The following SMOC2 variants were observed in gnomAD, a reference collection of about 807,000 sequenced individuals.
SMOC2 encodes the protein SPARC-related modular calcium-binding protein 2.
SMOC2 carries 39 observed loss-of-function variants against 61.4 expected under a neutral mutation model. The observed-to-expected ratio is 0.64, with a 90% CI of 0.49 to 0.83. The LOEUF is 0.83. Ranked by LOEUF, SMOC2 falls within the 40% of genes least tolerant of loss-of-function variation. The probability of loss-of-function intolerance (pLI) is 0.00; values close to 1 mark genes in which losing one functional copy is unlikely to be tolerated. For missense variants in SMOC2, 556 were observed against 592.9 expected, an observed-to-expected ratio of 0.94 and a Z score of 0.65; for synonymous variants, 247 against 239.9, an observed-to-expected ratio of 1.03 and a Z score of -0.27.
At chr6:168,462,718 G>T (rs1781742435) in intron 1 of SMOC2, among the ~76,000 whole-genome samples, 1 of 152,144 alleles carries the variant, frequency 6.6e-6, no homozygotes, top group Admixed American at 6.5e-5. Flanking sequence ...TGACTTCAGA[G>T]GACTCAGGGA....
intron 12 of SMOC2, chr6:168,664,902 C>A (rs1403206952): frequency 2.2e-6 from 1 of 446,920 alleles, no homozygotes. Flanking sequence ...TTTGTCTGCA[C>A]CTGTTTGATG....
chr6:168,520,628 G>C (rs1783308052), intron 2 of SMOC2, among the ~76,000 whole-genome samples: 1 of 152,214 alleles, frequency 6.6e-6, no homozygotes, highest in East Asian at 1.9e-4. Context: ...ATCGATAAAT[G>C]AGACACCACA....
chr6:168,560,403 G>T (rs34170156), intron 7 of SMOC2, among the ~76,000 whole-genome samples: 11,145 of 152,084 alleles, frequency 0.073, 526 homozygotes, highest in Non-Finnish European at 0.098. Flanking sequence ...AAGAGTCATG[G>T]TTACTGACAA....
chr6:168,478,643 G>A (rs1782141093), intron 1 of SMOC2, among the ~76,000 whole-genome samples: 1 of 152,176 alleles, frequency 6.6e-6, no homozygotes, highest in Admixed American at 6.5e-5. Flanking sequence ...AGCTTCCTTA[G>A]AGTCCCATGT....
In SMOC2 at chr6:168,526,417, A is replaced by G. The variant is rs1479338143; in HGVS notation, c.328A>G (p.Ile110Val). The change falls in exon 3 of 13, where the codon ATT becomes GTT. Residue 110 changes from isoleucine (I) to valine (V), a missense_variant. Transcript: ENST00000356284. ...QARKEFQQVF[I>V]PECNDDGTYS... is the part of the protein sequence containing the mutation. Reference sequence around the variant, plus strand: ...CCGGAAGGAGTTTCAGCAAGTGTTCATTCCTGAGTGCAATGACGACGGCAC... The same window carrying G: ...CCGGAAGGAGTTTCAGCAAGTGTTCGTTCCTGAGTGCAATGACGACGGCAC... 6.2e-7 allele frequency: 1 copy of G among 1,614,224 alleles called. No homozygotes were observed. Among genetic ancestry groups the G allele is most frequent in the Non-Finnish European group, 8.5e-7 (1 of 1,180,046 alleles).
At chr6:168,577,061 T>C (rs1279483889) in intron 7 of SMOC2, among the ~76,000 whole-genome samples, 2 of 152,342 alleles carry the variant, frequency 1.3e-5, no homozygotes, top group Non-Finnish European at 2.9e-5. Flanking sequence ...TTGAAAACTA[T>C]GCACGTTTCA....
chr6:168,583,328 G>A (rs1361876674), intron 7 of SMOC2, among the ~76,000 whole-genome samples: 1 of 151,510 alleles, frequency 6.6e-6, no homozygotes, highest in Non-Finnish European at 1.5e-5. Context: ...CGGCTCCAAT[G>A]GGCTCAGCCC....
At chr6:168,507,204 C>T (rs1460992230) in intron 1 of SMOC2, among the ~76,000 whole-genome samples, 2 of 152,148 alleles carry the variant, frequency 1.3e-5, no homozygotes, top group African/African-American at 4.8e-5. Context: ...CTCAGCATCT[C>T]CTCACTTAGG....
At chr6:168,509,268 G>C (rs1782951154) in intron 1 of SMOC2, among the ~76,000 whole-genome samples, 1 of 152,244 alleles carries the variant, frequency 6.6e-6, no homozygotes, top group South Asian at 2.1e-4. Context: ...CCTGCGGAGA[G>C]GATTCCTGTG....
At chr6:168,573,909 A>G (rs886509773) in intron 7 of SMOC2, among the ~76,000 whole-genome samples, 34 of 152,062 alleles carry the variant, frequency 2.2e-4, no homozygotes, top group African/African-American at 7.0e-4. Context: ...TCACACGTCC[A>G]CCCCTGAACC....
chr6:168,552,525 G>A (rs1279923207), intron 7 of SMOC2, among the ~76,000 whole-genome samples: 3 of 152,046 alleles, frequency 2.0e-5, no homozygotes, highest in African/African-American at 7.2e-5. Context: ...CCATGAATTT[G>A]TATGAAAATA....
chr6:168,664,669 G>A (rs913063438), intron 12 of SMOC2: 9 of 466,816 alleles, frequency 1.9e-5, no homozygotes, highest in South Asian at 1.1e-4. Context: ...AGGGGCTTTC[G>A]GCTCCTGCTG....
intron 2 of SMOC2, 74 bp from the exon 3 acceptor site, chr6:168,526,272 C>G: frequency 7.2e-7 from 1 of 1,384,564 alleles, no homozygotes; most frequent in South Asian, 1.2e-5. Context: ...GCCTTCACAT[C>G]TTTCAATGTT....
chr6:168,536,328 T>C (rs1404767064), intron 4 of SMOC2, among the ~76,000 whole-genome samples: 2 of 152,062 alleles, frequency 1.3e-5, no homozygotes, highest in Admixed American at 1.3e-4. Context: ...TCTTGCCTGC[T>C]TGGGGTCCTG....
intron 1 of SMOC2, among the ~76,000 whole-genome samples, chr6:168,446,724 C>T (rs1781340748): frequency 6.6e-6 from 1 of 152,078 alleles, no homozygotes. Context: ...TTTTGCAGTT[C>T]CAGGCCAGAC....
At chr6:168,506,199 A>G (rs1187933551) in intron 1 of SMOC2, among the ~76,000 whole-genome samples, 1 of 151,914 alleles carries the variant, frequency 6.6e-6, no homozygotes, top group African/African-American at 2.4e-5. Context: ...ATACCTGGCT[A>G]ATTTCCTCCC....
chr6:168,611,025 C>T (rs761889103), intron 9 of SMOC2, among the ~76,000 whole-genome samples: 8 of 152,218 alleles, frequency 5.3e-5, no homozygotes, highest in Non-Finnish European at 1.2e-4. Context: ...TTATTTTGCC[C>T]TGGCATCTCT....
chr6:168,459,275 G>A (rs1339318959), intron 1 of SMOC2, among the ~76,000 whole-genome samples: 12 of 152,184 alleles, frequency 7.9e-5, no homozygotes, highest in Non-Finnish European at 1.0e-4. Flanking sequence ...CTGTGCAAGC[G>A]TCTAGGGCTT....
At chr6:168,441,541 C>T (rs1446230439) in intron 1 of SMOC2, 87 bp downstream of exon 1, 1 of 1,366,052 alleles carries the variant, frequency 7.3e-7, no homozygotes, top group Non-Finnish European at 9.4e-7. Context: ...CCGCTCCAGG[C>T]CCAGGCGCCT....
Sources: allele counts gnomAD v4.1 joint callset (sites outside exome capture counted in the v4.1 genomes callset), GRCh38; gene constraint gnomAD v4.1.1; transcripts MANE v1.5; gene names NCBI Gene and HGNC (gene_info 2026-07-23, HGNC 2026-07-21).